TMPRSS15: variants seen among roughly 807,000 people sequenced by gnomAD.
TMPRSS15 encodes transmembrane serine protease 15, also known as enteropeptidase.
In TMPRSS15, 128 loss-of-function variants were observed where a neutral mutation model predicts 125.3. That is an observed-to-expected ratio of 1.02 (90% CI 0.89 to 1.18). The LOEUF (loss-of-function observed/expected upper bound fraction) is 1.18, where lower values mean the gene tolerates loss of function less well. Ranked by LOEUF, TMPRSS15 falls within the 50% of genes most tolerant of loss-of-function variation. The probability of loss-of-function intolerance (pLI) is 0.00; values close to 1 mark genes in which losing one functional copy is unlikely to be tolerated. For missense variants in TMPRSS15, 1,283 were observed against 1,212.7 expected (o/e 1.06, Z -0.86); for synonymous variants, 446 against 423.2 (o/e 1.05, Z -0.66).
At chr21:18,304,361 T>C (rs991784538) in intron 18 of TMPRSS15, among the ~76,000 whole-genome samples, 2 of 152,168 alleles carry the variant, frequency 1.3e-5, no homozygotes, top group Admixed American at 6.5e-5. Context: ...TGTTTTCTAC[T>C]GAAATGAGTA....
At chr21:18,380,342 C>A (rs1423402006) in intron 4 of TMPRSS15, among the ~76,000 whole-genome samples, 1 of 151,812 alleles carries the variant, frequency 6.6e-6, no homozygotes, top group Non-Finnish European at 1.5e-5. Context: ...AAATGTATAT[C>A]CTTGGCATAA....
At chr21:18,404,818 C>A (rs1435702236), upstream of TMPRSS15, among the ~76,000 whole-genome samples, 1 of 151,920 alleles carries the variant, frequency 6.6e-6, no homozygotes. Flanking sequence ...CTGTTGCCCC[C>A]AAACTCAAGA....
chr21:18,474,494 T>C (rs1262120339), intron 1 of TMPRSS15, among the ~76,000 whole-genome samples: 3 of 152,082 alleles, frequency 2.0e-5, no homozygotes. Flanking sequence ...TTCACTATGT[T>C]GGTCAGGCTG....
rs2122952746 is a variant in TMPRSS15 at position 18,461,726 on chromosome 21, C to T, written c.10+24073G>A. 4.6e-5 allele frequency among the ~76,000 whole-genome samples: 7 copies of T among 152,170 alleles called. No homozygotes were observed. The South Asian group carries it at 1.2e-3, about 27-fold the overall frequency. On this transcript the variant is annotated intron_variant, in intron 1 of 7. Transcript: ENST00000422787. ...TTTCCTTTAGACACTTCCCCATCCT[C>T]CTTTTAATTATATAGTAAAACTATA...
Position 18,441,318 on chromosome 21 carries a change from A to C in TMPRSS15, c.11-42989T>G, listed in dbSNP as rs149536523. On this transcript the variant is annotated intron_variant, in intron 1 of 7. Transcript: ENST00000422787. The stretch of plus-strand genomic sequence containing the variant: ...AACAAAACAAAACAAAACCAAAAAA[A>C]CAAAGAGACCGGGCGTGGTGGCTCA... Among the ~76,000 whole-genome samples the C allele has an allele frequency of 6.1e-3, 925 of 151,702 alleles. 6 individuals are homozygous for C. The highest frequency in any genetic ancestry group is 9.1e-3 in the Non-Finnish European group (619 of 67,894).
chr21:18,463,461 CAGAGACCTACA>C (rs1978592664), intron 1 of TMPRSS15, among the ~76,000 whole-genome samples: 2 of 151,884 alleles, frequency 1.3e-5, no homozygotes, highest in African/African-American at 4.8e-5. Flanking sequence ...AGCAAGTTCT[CAGAGACCTACA>C]AGAGACCTAG....
At chr21:18,440,881 T>G (rs1438151898) in intron 1 of TMPRSS15, among the ~76,000 whole-genome samples, 2 of 152,228 alleles carry the variant, frequency 1.3e-5, no homozygotes, top group Non-Finnish European at 2.9e-5. Context: ...GTTGGACTTT[T>G]TCTGCTTAAA....
intron 16 of TMPRSS15, among the ~76,000 whole-genome samples, chr21:18,325,237 C>T (rs2075277278): frequency 1.9e-5 from 1 of 51,810 alleles, no homozygotes; most frequent in Non-Finnish European, 4.2e-5. Flanking sequence ...AGTATTTACT[C>T]ATTGTTTTTT....
chr21:18,398,037 C>T (rs1408454669), intron 2 of TMPRSS15, 91 bp from the exon 3 acceptor site: 3 of 1,249,514 alleles, frequency 2.4e-6, no homozygotes, highest in African/African-American at 1.5e-5. Flanking sequence ...TTATGTTCTG[C>T]TTAGAGTTGG....
At chr21:18,294,756 T>C in intron 19 of TMPRSS15, 104 bp from the exon 20 acceptor site, 1 of 953,964 alleles carries the variant, frequency 1.0e-6, no homozygotes, top group Non-Finnish European at 1.7e-6. Context: ...ATGGACATCT[T>C]AATGTCTCAT....
At chr21:18,332,205 A>G in intron 13 of TMPRSS15, 32 bp from the exon 14 acceptor site, 1 of 1,553,558 alleles carries the variant, frequency 6.4e-7, no homozygotes, top group Non-Finnish European at 8.9e-7. Context: ...AATCATCAGT[A>G]ATACAATGTT....
chr21:18,274,616 G>A (rs1016534612), intron 24 of TMPRSS15, among the ~76,000 whole-genome samples: 1 of 152,188 alleles, frequency 6.6e-6, no homozygotes, highest in East Asian at 1.9e-4. Flanking sequence ...CAGTGTAAAC[G>A]ATAATATAAA....
chr21:18,320,128 A>G (rs1267117945), intron 16 of TMPRSS15, among the ~76,000 whole-genome samples: 1 of 152,200 alleles, frequency 6.6e-6, no homozygotes, highest in African/African-American at 2.4e-5. Flanking sequence ...TTCTAAAGAC[A>G]GCATTAATAC....
intron 3 of TMPRSS15, among the ~76,000 whole-genome samples, chr21:18,395,643 T>G (rs1344605148): frequency 6.6e-6 from 1 of 152,208 alleles, no homozygotes; most frequent in Non-Finnish European, 1.5e-5. Context: ...TCAAAAATAA[T>G]GTAATTTTTA....
chr21:18,340,878 G>T lies in TMPRSS15; in HGVS notation c.1564+535C>A, dbSNP rs567835622. ...TCAAATATAAGAAAGATACTAAAAT[G>T]ATCATTAATATGCTCAATAACGAAG... On this transcript the variant is annotated intron_variant, in intron 13 of 24. Transcript: ENST00000284885. Among the ~76,000 whole-genome samples the T allele has an allele frequency of 1.4e-3, 211 of 152,226 alleles. 2 individuals are homozygous for T. The highest frequency in any genetic ancestry group is 2.4e-3 in the Non-Finnish European group (164 of 68,012).
chr21:18,423,233 C>A (rs1339737015), intron 1 of TMPRSS15, among the ~76,000 whole-genome samples: 2 of 152,076 alleles, frequency 1.3e-5, no homozygotes, highest in African/African-American at 2.4e-5. Flanking sequence ...TGCCTCCTCC[C>A]CCAACTGCCT....
At chr21:18,453,104 A>T (rs1296881637) in intron 1 of TMPRSS15, among the ~76,000 whole-genome samples, 1 of 152,234 alleles carries the variant, frequency 6.6e-6, no homozygotes. Context: ...GTTTATAAAC[A>T]ACCCCACATT....
At chr21:18,278,916 C>T (rs773179951) in intron 23 of TMPRSS15, 48 bp downstream of exon 23, 35 of 985,606 alleles carry the variant, frequency 3.6e-5, no homozygotes, top group Non-Finnish European at 5.1e-5. Flanking sequence ...CTGTTTTTCA[C>T]CAGTAAGGTT....
In TMPRSS15 at chr21:18,462,397, C is replaced by T. The variant is rs191421990; in HGVS notation, c.10+23402G>A. Among the ~76,000 whole-genome samples, 7 of 151,888 alleles carry T rather than the reference C, an allele frequency of 4.6e-5. No homozygotes were observed. In the East Asian group the frequency reaches 1.4e-3, roughly 29 times the overall value. On this transcript the variant is annotated intron_variant, in intron 1 of 7. Transcript: ENST00000422787. The stretch of plus-strand genomic sequence containing the variant: ...TTGGAATTGCTGTTTTTTTAACTAC[C>T]TGTCCAATAAAGGTTTACTTCAGGA...
Sources: gnomAD v4.1 joint callset for allele counts (sites outside exome capture counted in the v4.1 genomes callset) on GRCh38, gnomAD v4.1.1 for gene constraint, MANE v1.5 for transcripts, NCBI Gene and HGNC (gene_info 2026-07-23, HGNC 2026-07-21) for gene names.